Variants in PCP4 observed in about 807,000 individuals in gnomAD.
The protein encoded by PCP4 is calmodulin regulator protein PCP4.
In PCP4, 8 loss-of-function variants were observed where a neutral mutation model predicts 10.0. That is an observed-to-expected ratio of 0.80 (90% confidence interval 0.47 to 1.45). The LOEUF (loss-of-function observed/expected upper bound fraction) is 1.45. Among genes scored for constraint, PCP4 ranks in the 40% most tolerant of loss-of-function variants. The probability of loss-of-function intolerance (pLI) is 0.00; values close to 1 mark genes in which losing one functional copy is unlikely to be tolerated. For synonymous variants in PCP4, 21 were observed against 23.0 expected (o/e 0.91, Z 0.24); for missense variants, 54 against 74.4 (o/e 0.73, Z 1.01).
intron 1 of PCP4, among the ~76,000 whole-genome samples, chr21:39,893,338 C>T (rs2087442192): frequency 6.6e-6 from 1 of 151,196 alleles, no homozygotes; most frequent in African/African-American, 2.4e-5. Context: ...GGATACCGGG[C>T]ATGTATGAGA....
chr21:39,880,545 C>A (rs1180088530), intron 1 of PCP4, among the ~76,000 whole-genome samples: 3 of 152,096 alleles, frequency 2.0e-5, no homozygotes, highest in Non-Finnish European at 2.9e-5. Flanking sequence ...ACTCTGTGTG[C>A]AAATGTCCTC....
rs1386883083 is a variant in PCP4 at position 39,894,967 on chromosome 21, C to A, written c.10-3509C>A. ...TGGTTGCTTAGAGAATGACCTACCT[C>A]CGTCTGTCTGTTCATTTGACCATCA... On this transcript the variant is annotated intron_variant, in intron 1 of 2. Coordinates refer to ENST00000328619, the MANE Select transcript of PCP4 (RefSeq NM_006198.3). 3.3e-5 allele frequency among the ~76,000 whole-genome samples: 5 copies of A among 152,198 alleles called. No individual in the cohort carries two copies. The East Asian group carries it at 9.6e-4, about 29-fold the overall frequency.
intron 1 of PCP4, among the ~76,000 whole-genome samples, chr21:39,895,118 T>C (rs1373323486): frequency 1.3e-5 from 2 of 151,680 alleles, no homozygotes; most frequent in Non-Finnish European, 2.9e-5. Context: ...CACTCATCCA[T>C]CCTTAGGTCC....
chr21:39,923,495 A>G (rs2087606610), intron 2 of PCP4, among the ~76,000 whole-genome samples: 1 of 152,180 alleles, frequency 6.6e-6, no homozygotes, highest in Non-Finnish European at 1.5e-5. Flanking sequence ...TAGTTTTTGT[A>G]CTAAGACTGT....
chr21:39,875,663 T>C (rs1330675616), intron 1 of PCP4, among the ~76,000 whole-genome samples: 4 of 152,224 alleles, frequency 2.6e-5, no homozygotes, highest in Admixed American at 2.0e-4. Flanking sequence ...GGGAACTATC[T>C]TTTCAATCTT....
chr21:39,894,338 A>G (rs1468346278), intron 1 of PCP4, among the ~76,000 whole-genome samples: 2 of 152,080 alleles, frequency 1.3e-5, no homozygotes, highest in Admixed American at 6.5e-5. Flanking sequence ...TAACTGATTC[A>G]CTCTCTAGAT....
In PCP4 at chr21:39,902,231, C is replaced by G. The variant is rs540059120; in HGVS notation, c.61+3704C>G. Reference sequence around the variant, plus strand: ...ATGTTATGAAATTTGGATAGTAACACTTCATAATAAAAGGAACATTCTCAA... The same window carrying G: ...ATGTTATGAAATTTGGATAGTAACAGTTCATAATAAAAGGAACATTCTCAA... On this transcript the variant is annotated intron_variant, in intron 2 of 2. Coordinates refer to ENST00000328619, the MANE Select transcript of PCP4 (RefSeq NM_006198.3). Among the ~76,000 whole-genome samples, 10 of 152,210 alleles carry G rather than the reference C, an allele frequency of 6.6e-5. No homozygotes were observed. The South Asian group carries it at 1.7e-3, about 25-fold the overall frequency.
chr21:39,923,241 C>T (rs2837295), intron 2 of PCP4, among the ~76,000 whole-genome samples: 55,561 of 152,062 alleles, frequency 0.37, 10,267 homozygotes, highest in East Asian at 0.46. Context: ...CAGAATTAGG[C>T]GTCTCTCTGA....
At chr21:39,914,650 A>G (rs117688460) in intron 2 of PCP4, among the ~76,000 whole-genome samples, 289 of 152,112 alleles carry the variant, frequency 1.9e-3, no homozygotes, top group Non-Finnish European at 3.5e-3. Context: ...ATTAGAAGAA[A>G]CTCAGTGGGT....
At chr21:39,918,125 A>C (rs1409685111) in intron 2 of PCP4, among the ~76,000 whole-genome samples, 1 of 152,260 alleles carries the variant, frequency 6.6e-6, no homozygotes, top group African/African-American at 2.4e-5. Context: ...ATACTTTGTC[A>C]TGATAGCCTA....
intron 1 of PCP4, among the ~76,000 whole-genome samples, chr21:39,867,733 G>A (rs971655224): frequency 8.5e-5 from 13 of 152,230 alleles, no homozygotes; most frequent in African/African-American, 3.1e-4. Context: ...GAGGAGAAAG[G>A]TTTGCTTTCT....
intron 2 of PCP4, among the ~76,000 whole-genome samples, chr21:39,916,785 T>C (rs904271467): frequency 2.2e-4 from 34 of 152,230 alleles, no homozygotes; most frequent in African/African-American, 8.0e-4. Context: ...AATGAGATCA[T>C]GTCCTTTGCA....
At chr21:39,909,526 T>C (rs1218030338) in intron 2 of PCP4, among the ~76,000 whole-genome samples, 1 of 152,192 alleles carries the variant, frequency 6.6e-6, no homozygotes, top group Non-Finnish European at 1.5e-5. Context: ...CTGGTCATGG[T>C]TTTTCTGTTC....
chr21:39,924,062 T>C (rs1339276164), intron 2 of PCP4, among the ~76,000 whole-genome samples: 1 of 152,168 alleles, frequency 6.6e-6, no homozygotes, highest in Non-Finnish European at 1.5e-5. Flanking sequence ...ATGATGGCCA[T>C]GCGGGCGGCC....
intron 1 of PCP4, among the ~76,000 whole-genome samples, chr21:39,877,531 TAAA>T (rs397866347): frequency 4.3e-5 from 6 of 138,722 alleles, no homozygotes; most frequent in African/African-American, 1.3e-4. Flanking sequence ...TACCAAAAAT[TAAA>T]AAAAAAAAAA....
At chr21:39,913,046 T>C (rs181555921) in intron 2 of PCP4, among the ~76,000 whole-genome samples, 2 of 152,316 alleles carry the variant, frequency 1.3e-5, no homozygotes, top group African/African-American at 2.4e-5. Flanking sequence ...TCCAGGTTAC[T>C]ATATGTAGTT....
At chr21:39,898,582 GT>G in intron 2 of PCP4, 55 bp downstream of exon 2, 5 of 1,374,036 alleles carry the variant, frequency 3.6e-6, no homozygotes, top group Non-Finnish European at 5.2e-6. Flanking sequence ...GCAGCCCTGG[GT>G]ATGCAGCAGG....
In PCP4 at chr21:39,906,142, A is replaced by G. The variant is rs1031611595; in HGVS notation, c.61+7615A>G. On this transcript the variant is annotated intron_variant, in intron 2 of 2. Transcript: ENST00000328619. The surrounding 1 kb of genome is among the most constrained non-coding windows in gnomAD (Gnocchi z 6.3). ...CTCAGGCAAAGTTGCTGGTGAACTC[A>G]GGATTGTCCTAAGGTCACATAAATA... Among the ~76,000 whole-genome samples, 33 of 152,338 alleles carry G rather than the reference A, an allele frequency of 2.2e-4. 3 individuals are homozygous for G. Among genetic ancestry groups the G allele is most frequent in the Admixed American group, 1.4e-3 (22 of 15,304 alleles).
chr21:39,895,313 A>G (rs994955660), intron 1 of PCP4, among the ~76,000 whole-genome samples: 12 of 152,258 alleles, frequency 7.9e-5, no homozygotes, highest in African/African-American at 2.9e-4. Context: ...AACATTAACA[A>G]AGATCTGATA....
Sources: allele counts gnomAD v4.1 joint callset (sites outside exome capture counted in the v4.1 genomes callset), GRCh38; gene constraint gnomAD v4.1.1; non-coding constraint Gnocchi (gnomAD v3.1); transcripts MANE v1.5; gene names NCBI Gene and HGNC (gene_info 2026-07-23, HGNC 2026-07-21).